FDX1: variants seen among roughly 807,000 people sequenced by gnomAD.
The protein encoded by FDX1 is adrenodoxin, mitochondrial.
Under a neutral mutation model 14.9 loss-of-function variants are expected in FDX1, and 9 were observed. That is an observed-to-expected ratio of 0.60 (90% CI 0.36 to 1.05). The LOEUF (loss-of-function observed/expected upper bound fraction) is 1.05, where lower values mean the gene tolerates loss of function less well. FDX1 is among the 50% of genes least tolerant of loss of function. The pLI is 0.01. For missense variants in FDX1, 204 were observed against 237.2 expected (o/e 0.86, Z 0.92); for synonymous variants, 92 against 99.4 (o/e 0.93, Z 0.44).
At position 110,433,968 on chromosome 11, in the gene FDX1, A is replaced by C. The variant is rs114729295; in HGVS notation, c.186-1866A>C. ...CTATTGCCATCTACTGGTAGTAATA[A>C]GAATAACAACTCATTATTTTAAGTT... On this transcript the variant is annotated intron_variant, in intron 1 of 3. Coordinates refer to ENST00000260270, the MANE Select transcript of FDX1 (RefSeq NM_004109.5). 6.5e-3 allele frequency among the ~76,000 whole-genome samples: 989 copies of C among 152,310 alleles called. 10 individuals are homozygous for C. Among genetic ancestry groups the C allele is most frequent in the African/African-American group, 0.022 (917 of 41,576 alleles).
intron 1 of FDX1, among the ~76,000 whole-genome samples, chr11:110,434,901 C>T (rs1946358791): frequency 1.3e-5 from 2 of 151,734 alleles, no homozygotes; most frequent in Admixed American, 1.3e-4. Flanking sequence ...ATTTTTCATA[C>T]ACCTACAACC....
intron 1 of FDX1, among the ~76,000 whole-genome samples, chr11:110,434,352 TTGGAGACAGAG>T (rs1390941373): frequency 2.6e-5 from 4 of 151,060 alleles, no homozygotes; most frequent in African/African-American, 9.7e-5. Flanking sequence ...TTTTTTTTTT[TTGGAGACAGAG>T]TTTCACTCTG....
Position 110,464,438 on chromosome 11 carries a change from C to T in FDX1, c.*1970C>T, listed in dbSNP as rs1367806382. 1 of 152,118 alleles carries T rather than the reference C, an allele frequency of 6.6e-6. No homozygotes were observed. The highest frequency in any genetic ancestry group is 2.4e-5 in the African/African-American group (1 of 41,406). The allele number at this position is 152,118 out of a possible 1,614,324, so 9.4% of individuals were successfully genotyped here. A position where few individuals can be genotyped will look rare whatever the true frequency, so the allele number is the denominator to read the frequency against. ...AAGGGCAAGAGAATGCGAGTGAGAG[C>T]AAGAGGGCAAAATGATTATCCTTTT... On this transcript the variant is annotated 3_prime_UTR_variant, in exon 4 of 4. Transcript: ENST00000260270.
rs138935270 is a variant in FDX1, at chr11:110,464,660, C to T, written c.*2192C>T. On this transcript the variant is annotated 3_prime_UTR_variant, in exon 4 of 4. Transcript: ENST00000260270. The stretch of plus-strand genomic sequence containing the variant: ...GCAGTGCTATAATTTTAAAGTACTT[C>T]AAAGCCAATTTATTCTCTTAATTAG... The T allele has an allele frequency of 3.3e-5, 5 of 152,142 alleles. No individual in the cohort carries two copies. The highest frequency in any genetic ancestry group is 7.4e-5 in the Non-Finnish European group (5 of 68,026). The allele number at this position is 152,142 out of a possible 1,614,324, so 9.4% of individuals were successfully genotyped here.
chr11:110,449,808 A>G (rs1946474644), intron 2 of FDX1, among the ~76,000 whole-genome samples: 1 of 152,108 alleles, frequency 6.6e-6, no homozygotes, highest in Non-Finnish European at 1.5e-5. Flanking sequence ...TTGTATTTTT[A>G]GTAAAGATGG....
chr11:110,436,335 TCC>T (rs997327684), intron 2 of FDX1, among the ~76,000 whole-genome samples: 2 of 152,190 alleles, frequency 1.3e-5, no homozygotes, highest in Admixed American at 1.3e-4. Flanking sequence ...AGGTAACTTA[TCC>T]TAGAAAGTGA....
chr11:110,430,944 C>T (rs1190281592), intron 1 of FDX1, among the ~76,000 whole-genome samples: 3 of 152,206 alleles, frequency 2.0e-5, no homozygotes, highest in Non-Finnish European at 4.4e-5. Context: ...ACGTGCCTAA[C>T]TTGGTCAGTC....
upstream of FDX1, among the ~76,000 whole-genome samples, chr11:110,429,641 A>G (rs182998514): frequency 1.7e-4 from 26 of 152,212 alleles, no homozygotes; most frequent in African/African-American, 6.3e-4. Context: ...ACTTTGCTCT[A>G]ACTTGACTCC....
intron 1 of FDX1, 106 bp downstream of exon 1, chr11:110,430,411 G>T: frequency 2.6e-6 from 2 of 767,022 alleles, no homozygotes; most frequent in South Asian, 1.3e-4. Context: ...CTGCGCGCCG[G>T]GCCCACACCC....
At chr11:110,431,047 A>T (rs1263013029) in intron 1 of FDX1, among the ~76,000 whole-genome samples, 1 of 152,180 alleles carries the variant, frequency 6.6e-6, no homozygotes, top group Non-Finnish European at 1.5e-5. Flanking sequence ...TAATACAGCG[A>T]TACAGGTAGT....
intron 3 of FDX1, 23 bp downstream of exon 3, chr11:110,457,070 A>T (rs907011076): frequency 3.8e-6 from 6 of 1,597,054 alleles, no homozygotes; most frequent in Non-Finnish European, 5.1e-6. Flanking sequence ...GACTGCTTCA[A>T]TTGTAATAAT....
intron 1 of FDX1, among the ~76,000 whole-genome samples, 169 bp downstream of exon 1, chr11:110,430,474 C>G (rs1946323351): frequency 6.6e-6 from 1 of 152,206 alleles, no homozygotes; most frequent in African/African-American, 2.4e-5. Context: ...GGCTCCGTCT[C>G]GCTGCTCGGT....
At chr11:110,455,289 C>T (rs545878187) in intron 2 of FDX1, among the ~76,000 whole-genome samples, 46 of 151,914 alleles carry the variant, frequency 3.0e-4, no homozygotes, top group African/African-American at 9.4e-4. Flanking sequence ...TGTGAGCCAC[C>T]GTGCCCGGCC....
In FDX1 at chr11:110,462,414, G is replaced by C. The variant is rs890852759; in HGVS notation, c.501G>C (p.Val167=). The C allele has an allele frequency of 3.8e-5, 61 of 1,610,918 alleles. No individual in the cohort carries two copies. Among genetic ancestry groups the C allele is most frequent in the Non-Finnish European group, 4.6e-5 (54 of 1,177,402 alleles). Residue 167 remains valine (V), a synonymous_variant, in exon 4 of 4, where the codon GTG becomes GTC. Transcript: ENST00000260270. Reference sequence around the variant, plus strand: ...CTATGGACAATATGACTGTTCGAGTGCCTGAAACAGTGGCTGATGCCAGAC... The same window carrying C: ...CTATGGACAATATGACTGTTCGAGTCCCTGAAACAGTGGCTGATGCCAGAC... ...TKSMDNMTVR[V]PETVADARQS...
rs1946527027 is a variant in FDX1 at position 110,457,041 on chromosome 11, C to T, written c.434C>T (p.Thr145Ile). The stretch of plus-strand genomic sequence containing the variant: ...ATGCTCGATCTGGCATATGGACTAA[C>T]AGACAGGTAAGATTTTTGGACTGCT... Reference protein sequence around the residue: ...NDMLDLAYGLTDRSRLGCQIC... With the variant: ...NDMLDLAYGLIDRSRLGCQIC... The change falls in exon 3 of 4, where the codon ACA becomes ATA. Residue 145 changes from threonine to isoleucine, a missense_variant. Thr to Ile is a moderately conservative substitution (Grantham distance 89). Coordinates refer to ENST00000260270, the MANE Select transcript of FDX1 (RefSeq NM_004109.5). 1 of 1,609,418 alleles carries T rather than the reference C, an allele frequency of 6.2e-7. No homozygotes were observed. The highest frequency in any genetic ancestry group is 1.3e-5 in the African/African-American group (1 of 74,754).
intron 3 of FDX1, among the ~76,000 whole-genome samples, chr11:110,460,286 G>C (rs1376973729): frequency 6.6e-6 from 1 of 152,108 alleles, no homozygotes; most frequent in African/African-American, 2.4e-5. Context: ...CTTCCTGGTG[G>C]TTCCTCCTTG....
chr11:110,434,731 T>TG (rs1555068086), intron 1 of FDX1, among the ~76,000 whole-genome samples: 3 of 131,712 alleles, frequency 2.3e-5, no homozygotes, highest in Admixed American at 7.1e-5. Flanking sequence ...TTTTGTTTTT[T>TG]TTTTTTTTTT....
chr11:110,435,653 G>A (rs923287469), intron 1 of FDX1, among the ~76,000 whole-genome samples, 181 bp from the exon 2 acceptor site: 2 of 152,164 alleles, frequency 1.3e-5, no homozygotes, highest in African/African-American at 4.8e-5. Flanking sequence ...TTTGAGACCA[G>A]CTTGAGCAAC....
At chr11:110,441,716 A>G (rs1946405294) in intron 2 of FDX1, among the ~76,000 whole-genome samples, 2 of 152,204 alleles carry the variant, frequency 1.3e-5, no homozygotes, top group Non-Finnish European at 2.9e-5. Flanking sequence ...CAGCCTGACA[A>G]TGTGATAGAA....
Sources: allele counts gnomAD v4.1 joint callset (sites outside exome capture counted in the v4.1 genomes callset), GRCh38; gene constraint gnomAD v4.1.1; transcripts MANE v1.5; gene names NCBI Gene and HGNC (gene_info 2026-07-23, HGNC 2026-07-21).